The following MREG variants were observed in gnomAD, a reference collection of about 807,000 sequenced individuals.
The protein encoded by MREG is melanoregulin.
In MREG, 31 loss-of-function variants were observed where a neutral mutation model predicts 28.5. The ratio of observed to expected loss-of-function variants is 1.09; its 90% CI spans 0.82 to 1.47. The LOEUF is 1.47. Ranked by LOEUF, MREG falls within the 40% of genes most tolerant of loss-of-function variation. The pLI is 0.00. For missense variants in MREG, 256 were observed against 257.4 expected (o/e 0.99, Z 0.04); for synonymous variants, 106 against 95.2 (o/e 1.11, Z -0.66).
intron 2 of MREG, among the ~76,000 whole-genome samples, chr2:215,973,327 C>T (rs1256318897): frequency 1.3e-5 from 2 of 152,194 alleles, no homozygotes; most frequent in Non-Finnish European, 2.9e-5. Flanking sequence ...CCATTGAAAG[C>T]AACGCTGAAA....
intron 2 of MREG, among the ~76,000 whole-genome samples, chr2:215,971,601 GT>G (rs912458534): frequency 1.3e-5 from 2 of 152,208 alleles, no homozygotes; most frequent in Non-Finnish European, 2.9e-5. Flanking sequence ...ATCTTGCCCT[GT>G]GTCAGATGAG....
intron 2 of MREG, among the ~76,000 whole-genome samples, chr2:215,973,737 C>A (rs757690501): frequency 6.6e-6 from 1 of 152,230 alleles, no homozygotes. Flanking sequence ...CAGTTGTACA[C>A]TGGAACAAAA....
At chr2:215,995,725 A>G (rs1333228533) in intron 2 of MREG, among the ~76,000 whole-genome samples, 1 of 152,212 alleles carries the variant, frequency 6.6e-6, no homozygotes, top group African/African-American at 2.4e-5. Flanking sequence ...CTTAACTTAC[A>G]GAGTTCTCTC....
At chr2:215,999,665 G>A (rs1693962186) in intron 1 of MREG, among the ~76,000 whole-genome samples, 1 of 152,208 alleles carries the variant, frequency 6.6e-6, no homozygotes, top group African/African-American at 2.4e-5. Flanking sequence ...TGAGAGCGAG[G>A]GAAATAGCAG....
At chr2:216,010,928 C>G (rs1445930098) in intron 1 of MREG, among the ~76,000 whole-genome samples, 1 of 151,044 alleles carries the variant, frequency 6.6e-6, no homozygotes, top group African/African-American at 2.4e-5. Context: ...AACCCCGTCT[C>G]TACTAAAAAT....
At position 216,031,463 on chromosome 2, in the gene MREG, GAA is replaced by G. The variant is rs1470757530; in HGVS notation, c.-68+1324_-68+1325del. Among the ~76,000 whole-genome samples, 1,173 of 123,542 alleles carry G rather than the reference GAA, an allele frequency of 9.5e-3. 9 individuals carry two copies. The highest frequency in any genetic ancestry group is 0.031 in the African/African-American group (1,027 of 32,842). 81.0% of individuals were successfully genotyped at this position (123,542 alleles called of 152,430 possible). On this transcript the variant is annotated intron_variant, in intron 1 of 3. Transcript: ENST00000420348. ...AAAGAAAAAGAAAGAAAGAGAGAAA[GAA>G]AGAAAGAAAGAGAAAGAAAGAAAGA...
At chr2:216,020,025 GAAA>G (rs941242182) in intron 1 of MREG, among the ~76,000 whole-genome samples, 1 of 150,608 alleles carries the variant, frequency 6.6e-6, no homozygotes, top group Non-Finnish European at 1.5e-5. Flanking sequence ...TCCCAGGGAG[GAAA>G]AAAAAACACA....
intron 2 of MREG, among the ~76,000 whole-genome samples, chr2:215,963,748 T>C (rs1307974054): frequency 8.5e-6 from 1 of 117,592 alleles, no homozygotes; most frequent in Non-Finnish European, 1.9e-5. Flanking sequence ...CTCCAGGTGG[T>C]AGTGGAGGTG....
intron 1 of MREG, among the ~76,000 whole-genome samples, chr2:216,007,624 T>C (rs927765874): frequency 2.6e-5 from 4 of 152,006 alleles, no homozygotes; most frequent in Non-Finnish European, 1.5e-5. Flanking sequence ...GAGATGGGGT[T>C]TCACCACGTT....
chr2:215,974,451 C>G (rs1307222401), intron 2 of MREG, among the ~76,000 whole-genome samples: 2 of 152,072 alleles, frequency 1.3e-5, no homozygotes, highest in Non-Finnish European at 2.9e-5. Flanking sequence ...CCTCGATGCC[C>G]CACCTGAGCC....
At chr2:215,963,378 C>T (rs1006559218) in intron 2 of MREG, among the ~76,000 whole-genome samples, 11 of 145,808 alleles carry the variant, frequency 7.5e-5, no homozygotes, top group Non-Finnish European at 1.2e-4. Context: ...TGCAGTAGGC[C>T]GAGATCGTGA....
At chr2:216,007,586 C>T (rs780563653) in intron 1 of MREG, among the ~76,000 whole-genome samples, 5 of 151,984 alleles carry the variant, frequency 3.3e-5, no homozygotes, top group Non-Finnish European at 5.9e-5. Flanking sequence ...TGTGCCACCA[C>T]GCCCAGCTAA....
At chr2:215,960,914 G>A (rs1362054773) in intron 2 of MREG, among the ~76,000 whole-genome samples, 1 of 152,184 alleles carries the variant, frequency 6.6e-6, no homozygotes, top group African/African-American at 2.4e-5. Flanking sequence ...CCCTCTTCCG[G>A]CACTACAAAA....
At chr2:215,969,671 A>G (rs1693035986) in intron 2 of MREG, among the ~76,000 whole-genome samples, 1 of 152,128 alleles carries the variant, frequency 6.6e-6, no homozygotes, top group Non-Finnish European at 1.5e-5. Context: ...CAGTATGTCC[A>G]CCTCCCAAGG....
intron 1 of MREG, among the ~76,000 whole-genome samples, chr2:216,003,442 C>T (rs79596557): frequency 0.018 from 2,785 of 152,306 alleles, 78 homozygotes; most frequent in African/African-American, 0.062. Context: ...GCTAAGGAAA[C>T]ACGAGGGCTC....
intron 2 of MREG, among the ~76,000 whole-genome samples, chr2:215,959,302 A>G (rs1055750245): frequency 2.0e-5 from 3 of 151,346 alleles, no homozygotes; most frequent in Middle Eastern, 6.8e-3. Context: ...GTCCAAGTGG[A>G]CGGGCTGCTG....
At chr2:216,029,127 T>C (rs1405717500) in intron 1 of MREG, among the ~76,000 whole-genome samples, 2 of 152,024 alleles carry the variant, frequency 1.3e-5, no homozygotes, top group Admixed American at 6.6e-5. Flanking sequence ...TAAAAGGAAA[T>C]AAATAATTTC....
intron 1 of MREG, among the ~76,000 whole-genome samples, chr2:216,011,320 G>A (rs1694302848): frequency 6.6e-6 from 1 of 152,114 alleles, no homozygotes; most frequent in South Asian, 2.1e-4. Flanking sequence ...ATTGTTATAT[G>A]GAAATGGTGC....
At chr2:216,033,537 G>A (rs960333359), upstream of MREG, 2 of 152,292 alleles carry the variant, frequency 1.3e-5, no homozygotes, top group East Asian at 3.9e-4. Context: ...CAGGATGCCA[G>A]GAAGCAGCAA....
Sources: allele counts gnomAD v4.1 joint callset (sites outside exome capture counted in the v4.1 genomes callset), GRCh38; gene constraint gnomAD v4.1.1; transcripts MANE v1.5; gene names NCBI Gene and HGNC (gene_info 2026-07-23, HGNC 2026-07-21).